Variants in DNAH14 observed in about 807,000 individuals in gnomAD.
DNAH14 encodes dynein axonemal heavy chain 14.
In DNAH14, 478 loss-of-function variants were observed where a neutral mutation model predicts 520.9. That is an observed-to-expected ratio of 0.92 (90% CI 0.85 to 0.99). The LOEUF is 0.99. DNAH14 is among the 50% of genes least tolerant of loss of function. The pLI, the probability that DNAH14 is intolerant of heterozygous loss-of-function variation, is 0.00. For missense variants in DNAH14, 4,831 were observed against 5,234.5 expected (o/e 0.92, Z 2.38); for synonymous variants, 1,581 against 1,757.2 (o/e 0.90, Z 2.51).
chr1:225,292,699 CT>C, intron 55 of DNAH14, among the ~76,000 whole-genome samples: 1 of 152,114 alleles, frequency 6.6e-6, no homozygotes, highest in African/African-American at 2.4e-5. Context: ...GTATGGTCAT[CT>C]TAACAATATT....
intron 23 of DNAH14, among the ~76,000 whole-genome samples, chr1:225,116,719 C>G (rs1034777287): frequency 1.3e-5 from 2 of 152,066 alleles, no homozygotes; most frequent in Admixed American, 1.3e-4. Context: ...CCAAGAGGGA[C>G]TTTTGATGGA....
At chr1:225,313,331 GTCTTT>G (rs923388895) in intron 60 of DNAH14, among the ~76,000 whole-genome samples, 15 of 151,934 alleles carry the variant, frequency 9.9e-5, no homozygotes, top group African/African-American at 3.6e-4. Context: ...TGATTCTTCT[GTCTTT>G]TCTTCTTTAT....
chr1:224,974,038 A>G, intron 7 of DNAH14, 53 bp from the exon 8 acceptor site: 3 of 1,219,108 alleles, frequency 2.5e-6, no homozygotes, highest in Non-Finnish European at 3.3e-6. Flanking sequence ...AATTTATTCC[A>G]TATAAATACG....
intron 5 of DNAH14, among the ~76,000 whole-genome samples, chr1:224,965,216 G>A (rs1321637564): frequency 1.3e-5 from 2 of 152,112 alleles, no homozygotes; most frequent in East Asian, 3.9e-4. Flanking sequence ...TCTCCCTACT[G>A]TTAGATAGGG....
intron 10 of DNAH14, among the ~76,000 whole-genome samples, chr1:225,008,774 C>T (rs2064427313): frequency 6.6e-6 from 1 of 151,908 alleles, no homozygotes; most frequent in Admixed American, 6.6e-5. Flanking sequence ...GAGATGGTAT[C>T]TCATTGTGGT....
chr1:225,309,210 T>C (rs2094307604), intron 60 of DNAH14, among the ~76,000 whole-genome samples: 1 of 152,224 alleles, frequency 6.6e-6, no homozygotes, highest in South Asian at 2.1e-4. Context: ...TCATTGTTTT[T>C]TACCTTATAA....
intron 66 of DNAH14, among the ~76,000 whole-genome samples, chr1:225,335,453 ATGCACGTGTG>A (rs1558429630): frequency 4.3e-5 from 5 of 116,450 alleles, no homozygotes; most frequent in African/African-American, 1.2e-4. Flanking sequence ...GTATGCACAT[ATGCACGTGTG>A]TACATGTGTG....
intron 54 of DNAH14, among the ~76,000 whole-genome samples, chr1:225,281,471 G>A (rs2093625698): frequency 6.6e-6 from 1 of 152,090 alleles, no homozygotes; most frequent in Non-Finnish European, 1.5e-5. Flanking sequence ...TCTTAATCAT[G>A]TCTGCAAAGT....
At chr1:225,060,101 G>T (rs1476703831) in intron 17 of DNAH14, among the ~76,000 whole-genome samples, 3 of 152,264 alleles carry the variant, frequency 2.0e-5, no homozygotes, top group South Asian at 2.1e-4. Context: ...AGTTCTCCTG[G>T]ATAATATCCT....
intron 77 of DNAH14, among the ~76,000 whole-genome samples, chr1:225,369,575 A>G (rs1003333883): frequency 5.3e-5 from 8 of 152,164 alleles, no homozygotes; most frequent in Non-Finnish European, 1.0e-4. Context: ...GGGAAATTTC[A>G]AAAAACCTCC....
chr1:225,137,130 C>T (rs1049237164), intron 27 of DNAH14, among the ~76,000 whole-genome samples: 9 of 152,184 alleles, frequency 5.9e-5, no homozygotes, highest in African/African-American at 2.2e-4. Context: ...TTATTACCCA[C>T]CTTCTGAAGC....
chr1:225,309,890 G>T (rs377222842), intron 60 of DNAH14, among the ~76,000 whole-genome samples: 16 of 152,078 alleles, frequency 1.1e-4, no homozygotes, highest in African/African-American at 1.2e-4. Flanking sequence ...AGACTCGGAG[G>T]GGGGAGGGAT....
rs1348433981 is a variant in DNAH14, at chr1:224,967,507, A to C, written c.575A>C (p.Asp192Ala). The change falls in exon 6 of 86, where the codon GAT becomes GCT. Residue 192 changes from aspartate (D) to alanine (A), a missense_variant. Coordinates refer to ENST00000682510, the MANE Select transcript of DNAH14 (RefSeq NM_001367479.1). ...CCTAAATCCCTTTACAATCCATATG[A>C]TCTTCAGGTAGTATCGGCTCATACT... is the stretch of plus-strand genomic sequence containing the variant. ...KSPKSLYNPYDLQVVSAHTAK... is the reference protein window; with the variant it reads ...KSPKSLYNPYALQVVSAHTAK... 6 of 1,603,236 alleles carry C rather than the reference A, an allele frequency of 3.7e-6. No homozygotes were observed. The highest frequency in any genetic ancestry group is 4.3e-6 in the Non-Finnish European group (5 of 1,175,732).
chr1:225,368,105 T>C (rs1443822869), intron 77 of DNAH14, 73 bp downstream of exon 77: 1 of 1,260,182 alleles, frequency 7.9e-7, no homozygotes, highest in East Asian at 2.5e-5. Flanking sequence ...ACTATGTGCC[T>C]ACACAAATGT....
intron 8 of DNAH14, among the ~76,000 whole-genome samples, chr1:224,986,863 C>T (rs12565833): frequency 0.055 from 8,384 of 152,074 alleles, 473 homozygotes; most frequent in East Asian, 0.24. Context: ...TAAAGGCCAT[C>T]CAAATTGGAA....
At chr1:225,259,299 G>C in intron 46 of DNAH14, 46 bp downstream of exon 46, 3 of 1,306,068 alleles carry the variant, frequency 2.3e-6, no homozygotes, top group Non-Finnish European at 3.0e-6. Flanking sequence ...ATTTTAAAAA[G>C]TGTGCTTTAA....
chr1:225,007,595 A>G, intron 10 of DNAH14, 51 bp downstream of exon 10: 1 of 1,398,494 alleles, frequency 7.2e-7, no homozygotes, highest in Non-Finnish European at 9.5e-7. Flanking sequence ...TACTAGCTGA[A>G]GCAATTGATC....
intron 10 of DNAH14, among the ~76,000 whole-genome samples, chr1:225,023,203 C>T (rs188551523): frequency 6.6e-6 from 1 of 151,950 alleles, no homozygotes; most frequent in East Asian, 1.9e-4. Flanking sequence ...ACAATTTAAC[C>T]GTGTAACAAA....
chr1:225,095,916 T>C (rs1447569598), intron 21 of DNAH14, among the ~76,000 whole-genome samples: 1 of 152,178 alleles, frequency 6.6e-6, no homozygotes, highest in Non-Finnish European at 1.5e-5. Context: ...TTGATTGTGG[T>C]GATGATTTCA....
Sources: gnomAD v4.1 joint callset for allele counts (sites outside exome capture counted in the v4.1 genomes callset) on GRCh38, gnomAD v4.1.1 for gene constraint, MANE v1.5 for transcripts, NCBI Gene and HGNC (gene_info 2026-07-23, HGNC 2026-07-21) for gene names.